Variants in SLC16A9 observed in about 807,000 individuals in gnomAD.
SLC16A9 encodes the protein solute carrier family 16 member 9.
SLC16A9 carries 26 observed loss-of-function variants against 44.3 expected under a neutral mutation model. The ratio of observed to expected loss-of-function variants is 0.59; its 90% CI spans 0.43 to 0.81. The LOEUF is 0.81. Ranked by LOEUF, SLC16A9 falls within the 40% of genes least tolerant of loss-of-function variation. The pLI, the probability that SLC16A9 is intolerant of heterozygous loss-of-function variation, is 0.00. For missense variants in SLC16A9, 559 were observed against 595.8 expected, an observed-to-expected ratio of 0.94 and a Z score of 0.64; for synonymous variants, 230 against 225.1, an observed-to-expected ratio of 1.02 and a Z score of -0.19.
rs764870000 is a variant in SLC16A9 at position 59,684,131 on chromosome 10, A to G, written c.161T>C (p.Val54Ala). Reference sequence around the variant, plus strand: ...GCCAACTCCACTTGCCAGGGATCCAACCCAGGCTGTTTTTCCTTTTCCTTC... The same window carrying G: ...GCCAACTCCACTTGCCAGGGATCCAGCCCAGGCTGTTTTTCCTTTTCCTTC... ...FGEGKGKTAW[V>A]GSLASGVGLL... is the part of the protein sequence containing the mutation. Residue 54 changes from valine (V) to alanine (A), a missense_variant, in exon 2 of 6, where the codon GTT becomes GCT. By Grantham distance (64) the Val-to-Ala change is moderately conservative. Coordinates refer to ENST00000395348, the MANE Select transcript of SLC16A9 (RefSeq NM_194298.3). The G allele has an allele frequency of 2.5e-6, 4 of 1,613,814 alleles. No individual in the cohort carries two copies. In the South Asian group the frequency reaches 3.3e-5, roughly 13 times the overall value.
At chr10:59,693,607 T>C (rs1271262760) in intron 1 of SLC16A9, among the ~76,000 whole-genome samples, 11 of 139,436 alleles carry the variant, frequency 7.9e-5, no homozygotes, top group Admixed American at 5.9e-4. Flanking sequence ...AATAATTTTA[T>C]GTATTATTTA....
rs767443129 is a variant in SLC16A9, at chr10:59,654,236, C to T, written c.790G>A (p.Glu264Lys). The T allele has an allele frequency of 2.5e-6, 4 of 1,614,142 alleles. No homozygotes were observed. The highest frequency in any genetic ancestry group is 3.4e-6 in the Non-Finnish European group (4 of 1,180,036). ...HKNPTVTHTK[E>K]PETYKKKVAE... The stretch of plus-strand genomic sequence containing the variant: ...ACTTTCTTTTTGTACGTTTCAGGCT[C>T]TTTTGTGTGTGTCACTGTGGGGTTT... Residue 264 changes from glutamate (E) to lysine (K), a missense_variant, in exon 5 of 6, where the codon GAG becomes AAG. Coordinates refer to ENST00000395348, the MANE Select transcript of SLC16A9 (RefSeq NM_194298.3).
chr10:59,694,558 T>C (rs1175154195), intron 1 of SLC16A9, among the ~76,000 whole-genome samples: 1 of 151,288 alleles, frequency 6.6e-6, no homozygotes, highest in Non-Finnish European at 1.5e-5. Flanking sequence ...TCCAGCACTT[T>C]GGGAGGCCAA....
intron 5 of SLC16A9, among the ~76,000 whole-genome samples, chr10:59,653,404 C>G (rs71495603): frequency 1.2e-5 from 1 of 85,040 alleles, no homozygotes; most frequent in African/African-American, 4.1e-5. Flanking sequence ...CCAGCCTGGG[C>G]GACAGTGCAA....
In SLC16A9 at chr10:59,672,813, A is replaced by T; in HGVS notation, c.297T>A (p.Ala99=). The change falls in exon 3 of 6, where the codon GCT becomes GCA. Residue 99 remains alanine, a synonymous_variant. Transcript: ENST00000395348. ...AAAAAAACAGAAAGTAGATATTGGG[A>T]GCAAAACTGCTCAACATCAGGCCTC... ...VAGGLMLSSF[A]PNIYFLFFSY... 6.2e-7 allele frequency: 1 copy of T among 1,613,910 alleles called. No individual in the cohort carries two copies. Among genetic ancestry groups the T allele is most frequent in the Non-Finnish European group, 8.5e-7 (1 of 1,179,906 alleles).
In SLC16A9 at chr10:59,654,119, T is replaced by C. The variant is rs1839287509; in HGVS notation, c.907A>G (p.Asn303Asp). The C allele has an allele frequency of 1.2e-6, 2 of 1,614,002 alleles. No homozygotes were observed. Among genetic ancestry groups the C allele is most frequent in the Non-Finnish European group, 1.7e-6 (2 of 1,180,034 alleles). Residue 303 changes from asparagine (N) to aspartate (D), a missense_variant, in exon 5 of 6, where the codon AAC (asparagine) becomes GAC (aspartate). Transcript: ENST00000395348. ...YCGETVALFKNKVFSALFIAI... is the reference protein window; with the variant it reads ...YCGETVALFKDKVFSALFIAI... ...ATGAAAAGGGCTGAAAATACTTTGT[T>C]TTTAAAAAGAGCCACAGTTTCACCA...
chr10:59,655,582 T>C (rs1839332334), intron 4 of SLC16A9, among the ~76,000 whole-genome samples: 2 of 152,152 alleles, frequency 1.3e-5, no homozygotes, highest in African/African-American at 4.8e-5. Flanking sequence ...AGTATGCTGG[T>C]TTATACATCT....
At chr10:59,707,494 GA>G (rs771148329) in intron 1 of SLC16A9, among the ~76,000 whole-genome samples, 1 of 150,358 alleles carries the variant, frequency 6.7e-6, no homozygotes, top group South Asian at 2.1e-4. Context: ...ATAAGTTTAA[GA>G]GATCTATTGT....
At chr10:59,693,077 C>G (rs909675017) in intron 1 of SLC16A9, among the ~76,000 whole-genome samples, 5 of 152,212 alleles carry the variant, frequency 3.3e-5, no homozygotes, top group Non-Finnish European at 5.9e-5. Flanking sequence ...CTTTTGCCTT[C>G]CCATTTCTTA....
At chr10:59,673,410 T>C (rs952015307) in intron 2 of SLC16A9, among the ~76,000 whole-genome samples, 1 of 152,198 alleles carries the variant, frequency 6.6e-6, no homozygotes, top group Non-Finnish European at 1.5e-5. Flanking sequence ...TAAGTGATAG[T>C]GAAATTCTTT....
intron 2 of SLC16A9, among the ~76,000 whole-genome samples, chr10:59,678,540 C>CTTTT (rs1426559419): frequency 4.5e-5 from 1 of 22,328 alleles, no homozygotes; most frequent in African/African-American, 9.7e-5. Flanking sequence ...TTTTCTTTTT[C>CTTTT]TTTTTCTTTT....
intron 5 of SLC16A9, 133 bp from the exon 6 acceptor site, chr10:59,653,083 A>C: frequency 1.7e-6 from 1 of 605,968 alleles, no homozygotes; most frequent in Non-Finnish European, 2.6e-6. Flanking sequence ...AGCGTGGTTT[A>C]CTGGGAGTTA....
chr10:59,686,143 T>A (rs1180454518), intron 1 of SLC16A9, among the ~76,000 whole-genome samples: 1 of 152,214 alleles, frequency 6.6e-6, no homozygotes, highest in East Asian at 1.9e-4. Flanking sequence ...TGTATATGGA[T>A]ATTCTATTCT....
chr10:59,654,129 A>AGCCACAGTTTC lies in SLC16A9; in HGVS notation c.886_896dup (p.Leu300LysfsTer35). The stretch of plus-strand genomic sequence containing the variant: ...CTGAAAATACTTTGTTTTTAAAAAG[A>AGCCACAGTTTC]GCCACAGTTTCACCACAGTAGTTTT... On this transcript the variant is annotated frameshift_variant, in exon 5 of 6. Transcript: ENST00000395348. LOFTEE classifies it high-confidence loss of function. 1.2e-6 allele frequency: 2 copies of AGCCACAGTTTC among 1,614,184 alleles called. No individual in the cohort carries two copies. Among genetic ancestry groups the AGCCACAGTTTC allele is most frequent in the Non-Finnish European group, 1.7e-6 (2 of 1,180,030 alleles).
At position 59,651,413 on chromosome 10, in the gene SLC16A9, TA is replaced by T. The variant is rs1187257952; in HGVS notation, c.*1358del. The T allele has an allele frequency of 6.6e-6, 1 of 152,194 alleles. No homozygotes were observed. Among genetic ancestry groups the T allele is most frequent in the Non-Finnish European group, 1.5e-5 (1 of 68,022 alleles). The allele number at this position is 152,194 out of a possible 1,614,324, so 9.4% of individuals were successfully genotyped here. On this transcript the variant is annotated 3_prime_UTR_variant, in exon 6 of 6. Transcript: ENST00000395348. ...TTAAAAAAATTATTATTTAAAAGAA[TA>T]AATGTTTTTCCATTGCCAATCTTAT...
At position 59,664,324 on chromosome 10, in the gene SLC16A9, T is replaced by A; in HGVS notation, c.341-2A>T. The stretch of plus-strand genomic sequence containing the variant: ...TGTATAATAAACCACATCCAAGACC[T>A]AAGCATGAGAAGACATTGCATAAAT... On this transcript the variant is annotated splice_acceptor_variant, in intron 3 of 5. Transcript: ENST00000395348. LOFTEE classifies it high-confidence loss of function. The A allele has an allele frequency of 6.2e-7, 1 of 1,601,740 alleles. No individual in the cohort carries two copies. The highest frequency in any genetic ancestry group is 8.5e-7 in the Non-Finnish European group (1 of 1,172,236).
intron 1 of SLC16A9, among the ~76,000 whole-genome samples, chr10:59,693,508 A>T (rs1019645454): frequency 1.3e-5 from 2 of 152,210 alleles, no homozygotes; most frequent in African/African-American, 4.8e-5. Flanking sequence ...AGTCATCTTC[A>T]TTCTGTATGT....
At chr10:59,696,251 G>A (rs1257946601) in intron 1 of SLC16A9, among the ~76,000 whole-genome samples, 30 of 152,230 alleles carry the variant, frequency 2.0e-4, no homozygotes, top group Admixed American at 1.8e-3. Context: ...TTGTAGGCGC[G>A]GGCCCCCACG....
At chr10:59,700,632 T>G (rs1164908362) in intron 1 of SLC16A9, among the ~76,000 whole-genome samples, 1 of 152,198 alleles carries the variant, frequency 6.6e-6, no homozygotes, top group Non-Finnish European at 1.5e-5. Flanking sequence ...AACTATTTAG[T>G]AAGTGTTCAA....
Sources: gnomAD v4.1 joint callset for allele counts (sites outside exome capture counted in the v4.1 genomes callset) on GRCh38, gnomAD v4.1.1 for gene constraint, MANE v1.5 for transcripts, NCBI Gene and HGNC (gene_info 2026-07-23, HGNC 2026-07-21) for gene names.